ARHGAP24: variants seen among roughly 807,000 people sequenced by gnomAD.
ARHGAP24 encodes the protein rho GTPase-activating protein 24.
ARHGAP24 carries 50 observed loss-of-function variants against 76.4 expected under a neutral mutation model. The observed-to-expected ratio is 0.65, with a 90% CI of 0.52 to 0.83. The LOEUF is 0.83. Ranked by LOEUF, ARHGAP24 falls within the 40% of genes least tolerant of loss-of-function variation. The pLI is 0.00. For missense variants in ARHGAP24, 930 were observed against 914.2 expected (o/e 1.02, Z -0.22); for synonymous variants, 345 against 323.3 (o/e 1.07, Z -0.72).
chr4:85,898,458 T>C (rs947934379), intron 3 of ARHGAP24, among the ~76,000 whole-genome samples: 7 of 152,190 alleles, frequency 4.6e-5, no homozygotes, highest in Admixed American at 4.6e-4. Flanking sequence ...GCAAGATGAC[T>C]GTCTCAGGCT....
chr4:85,615,568 C>A (rs1720515012), intron 2 of ARHGAP24, among the ~76,000 whole-genome samples: 1 of 152,054 alleles, frequency 6.6e-6, no homozygotes, highest in Non-Finnish European at 1.5e-5. Context: ...TGACTTGAGA[C>A]ATGTATGGTA....
At chr4:85,643,156 T>G (rs1039391293) in intron 2 of ARHGAP24, among the ~76,000 whole-genome samples, 1 of 151,890 alleles carries the variant, frequency 6.6e-6, no homozygotes, top group African/African-American at 2.4e-5. Context: ...CCACTAAAAT[T>G]GCAAACTGGA....
At chr4:85,891,285 A>T (rs10022340) in intron 3 of ARHGAP24, among the ~76,000 whole-genome samples, 30,211 of 149,582 alleles carry the variant, frequency 0.2, 3,167 homozygotes, top group South Asian at 0.29. Flanking sequence ...TTTCTAGATA[A>T]ACAATCATGT....
At chr4:85,777,225 T>A (rs1032784109) in intron 3 of ARHGAP24, among the ~76,000 whole-genome samples, 1 of 152,230 alleles carries the variant, frequency 6.6e-6, no homozygotes, top group Non-Finnish European at 1.5e-5. Context: ...ATTTTAAATA[T>A]TAATTACATT....
chr4:85,965,032 A>G (rs1738494730), intron 5 of ARHGAP24, among the ~76,000 whole-genome samples: 1 of 152,136 alleles, frequency 6.6e-6, no homozygotes, highest in Non-Finnish European at 1.5e-5. Context: ...GAGGAAAGAA[A>G]AGATCAATGT....
At chr4:85,763,140 G>A (rs951007042) in intron 3 of ARHGAP24, among the ~76,000 whole-genome samples, 5 of 152,064 alleles carry the variant, frequency 3.3e-5, no homozygotes, top group Admixed American at 6.5e-5. Context: ...GCTACTATTC[G>A]AAGTGAAATA....
intron 3 of ARHGAP24, among the ~76,000 whole-genome samples, chr4:85,799,340 G>C (rs1728487683): frequency 6.6e-6 from 1 of 151,968 alleles, no homozygotes; most frequent in Non-Finnish European, 1.5e-5. Flanking sequence ...AAAAACAGTG[G>C]CATATTGAAA....
At chr4:85,847,039 G>A (rs1730934411) in intron 3 of ARHGAP24, among the ~76,000 whole-genome samples, 1 of 152,158 alleles carries the variant, frequency 6.6e-6, no homozygotes, top group Non-Finnish European at 1.5e-5. Context: ...AGGGTATAGA[G>A]CTTTATGAAT....
chr4:85,729,704 A>T (rs1276423036), intron 3 of ARHGAP24, among the ~76,000 whole-genome samples: 1 of 152,120 alleles, frequency 6.6e-6, no homozygotes, highest in Non-Finnish European at 1.5e-5. Flanking sequence ...CAGTTGTTCA[A>T]CTCTGCCATG....
chr4:85,788,243 A>T (rs374362543), intron 3 of ARHGAP24, among the ~76,000 whole-genome samples: 275 of 152,322 alleles, frequency 1.8e-3, no homozygotes, highest in African/African-American at 6.2e-3. Context: ...TGATATAAAG[A>T]AAGTAAGTTA....
chr4:85,695,201 G>A (rs796341496), intron 2 of ARHGAP24, among the ~76,000 whole-genome samples: 2 of 152,108 alleles, frequency 1.3e-5, no homozygotes, highest in Non-Finnish European at 2.9e-5. Context: ...TAATGTTTTG[G>A]TTCCTGCATT....
chr4:85,770,677 G>A (rs574776838), intron 3 of ARHGAP24, among the ~76,000 whole-genome samples: 1 of 152,300 alleles, frequency 6.6e-6, no homozygotes, highest in Non-Finnish European at 1.5e-5. Flanking sequence ...TTATATAGGA[G>A]AAAACAAAGT....
chr4:85,936,288 C>T lies in ARHGAP24; in HGVS notation c.392-5778C>T, dbSNP rs112287135. Among the ~76,000 whole-genome samples, 731 of 152,242 alleles carry T rather than the reference C, an allele frequency of 4.8e-3. 13 individuals carry two copies. Among genetic ancestry groups the T allele is most frequent in the African/African-American group, 0.017 (686 of 41,562 alleles). On this transcript the variant is annotated intron_variant, in intron 4 of 9. Coordinates refer to ENST00000395184, the MANE Select transcript of ARHGAP24 (RefSeq NM_001025616.3). ...AGTTTCATTTGACATTGGAATTATT[C>T]ATTTATTTTCTATAATTGGGGAGGT...
chr4:85,496,153 C>T (rs1723574514), intron 1 of ARHGAP24, among the ~76,000 whole-genome samples: 1 of 152,134 alleles, frequency 6.6e-6, no homozygotes. Flanking sequence ...AACTTCTTGG[C>T]TTATGAAGAG....
intron 3 of ARHGAP24, among the ~76,000 whole-genome samples, chr4:85,779,705 G>A (rs1241338105): frequency 2.0e-5 from 3 of 151,960 alleles, no homozygotes; most frequent in Non-Finnish European, 2.9e-5. Context: ...TCAAGTCACC[G>A]ATCCATAGAG....
At chr4:85,944,113 C>T (rs1002484600) in intron 5 of ARHGAP24, among the ~76,000 whole-genome samples, 1 of 152,260 alleles carries the variant, frequency 6.6e-6, no homozygotes, top group Middle Eastern at 3.4e-3. Context: ...ACGTCCTCTC[C>T]AGCATCTGTT....
Position 85,759,589 on chromosome 4 carries a change from T to C in ARHGAP24, c.268+37617T>C, listed in dbSNP as rs116284030. 5.0e-3 allele frequency among the ~76,000 whole-genome samples: 765 copies of C among 152,252 alleles called. 5 individuals are homozygous for C. Among genetic ancestry groups the C allele is most frequent in the African/African-American group, 0.017 (724 of 41,538 alleles). ...TGGCAGGTATCCACACCGAGTCACA[T>C]GATCAGAATTGCACTTGAGGATAGT... On this transcript the variant is annotated intron_variant, in intron 3 of 9. Coordinates refer to ENST00000395184, the MANE Select transcript of ARHGAP24 (RefSeq NM_001025616.3).
intron 3 of ARHGAP24, chr4:85,722,524 T>C (rs904178274): frequency 6.3e-6 from 1 of 158,998 alleles, no homozygotes; most frequent in African/African-American, 2.4e-5. Context: ...CTGGTAGAGC[T>C]GAGGACAGCT....
chr4:85,549,794 C>T lies in ARHGAP24; in HGVS notation c.-20-20728C>T, dbSNP rs186136851. Among the ~76,000 whole-genome samples the T allele has an allele frequency of 2.2e-3, 339 of 152,230 alleles. 1 individual carries two copies. Among genetic ancestry groups the T allele is most frequent in the African/African-American group, 7.6e-3 (316 of 41,526 alleles). On this transcript the variant is annotated intron_variant, in intron 1 of 9. Coordinates refer to ENST00000395184, the MANE Select transcript of ARHGAP24 (RefSeq NM_001025616.3). ...CCCTCAAGTAGGCCCTGGCATCTCTCGCTCCCTTCTTTGTGCCAATGTGTA... is the reference window on the plus strand; with the variant it reads ...CCCTCAAGTAGGCCCTGGCATCTCTTGCTCCCTTCTTTGTGCCAATGTGTA...
Sources: allele counts gnomAD v4.1 joint callset (sites outside exome capture counted in the v4.1 genomes callset), GRCh38; gene constraint gnomAD v4.1.1; transcripts MANE v1.5; gene names NCBI Gene and HGNC (gene_info 2026-07-23, HGNC 2026-07-21).